AGO2: variants seen among roughly 807,000 people sequenced by gnomAD.
AGO2 encodes the protein argonaute RISC catalytic component 2.
A neutral mutation model predicts 102.3 loss-of-function variants in AGO2; 5 were observed. The observed-to-expected ratio is 0.05, with a 90% confidence interval of 0.03 to 0.10. AGO2 has a LOEUF of 0.10. Ranked by LOEUF, AGO2 falls within the 10% of genes least tolerant of loss-of-function variation. AGO2 has a pLI of 1.00. For missense variants in AGO2, 541 were observed against 1,183.7 expected, an observed-to-expected ratio of 0.46 and a Z score of 7.97; for synonymous variants, 449 against 473.1, an observed-to-expected ratio of 0.95 and a Z score of 0.66.
At position 140,544,275 on chromosome 8, in the gene AGO2, A is replaced by G. The variant is rs1188688476; in HGVS notation, c.1777T>C (p.Phe593Leu). ...GGGTGAGTGACGTCTGCTCCCAGAA[A>G]GATGACGGGCTGCTGGAACACCGGC... ...RPPVFQQPVI[F>L]LGADVTHPPA... Residue 593 changes from phenylalanine to leucine, a missense_variant, in exon 14 of 19, where the codon TTT becomes CTT. Phe to Leu is a conservative substitution (Grantham distance 22, BLOSUM62 0). Around this residue, in one of 6 missense-constraint regions of AGO2, gnomAD observed 309 missense variants for 735.1 expected, o/e 0.42. Transcript: ENST00000220592. The G allele has an allele frequency of 6.2e-7, 1 of 1,603,660 alleles. No individual in the cohort carries two copies.
intron 1 of AGO2, among the ~76,000 whole-genome samples, chr8:140,619,599 AG>A (rs1350950341): frequency 1.3e-5 from 2 of 152,230 alleles, no homozygotes; most frequent in Admixed American, 6.5e-5. Context: ...ACCTACCCCC[AG>A]GCAACTCTGG....
At chr8:140,619,311 C>G (rs887296031) in intron 1 of AGO2, among the ~76,000 whole-genome samples, 1 of 152,240 alleles carries the variant, frequency 6.6e-6, no homozygotes, top group African/African-American at 2.4e-5. Flanking sequence ...ACACCACCAA[C>G]AACGACCTCA....
At chr8:140,547,721 C>A (rs752207719) in intron 12 of AGO2, 94 bp from the exon 13 acceptor site, 136 of 1,498,436 alleles carry the variant, frequency 9.1e-5, no homozygotes, top group Non-Finnish European at 1.2e-4. Flanking sequence ...TTGCCCCCAT[C>A]TGGCAAGTGC....
intron 3 of AGO2, among the ~76,000 whole-genome samples, chr8:140,569,758 G>A (rs992605467): frequency 5.9e-5 from 9 of 152,168 alleles, no homozygotes; most frequent in Admixed American, 1.3e-4. Context: ...CGGTCCCAGC[G>A]TCTCCCGGGC....
Position 140,530,263 on chromosome 8 carries a change from G to A in AGO2, c.*1781C>T, listed in dbSNP as rs2072568370. On this transcript the variant is annotated 3_prime_UTR_variant, in exon 19 of 19. Coordinates refer to ENST00000220592, the MANE Select transcript of AGO2 (RefSeq NM_012154.5). ...GGTATCGGGAGACCCCCGACCTGCG[G>A]CTTGCTGCCCCTCCTGCTGCCTCCA... 1 of 152,196 alleles carries A rather than the reference G, an allele frequency of 6.6e-6. No homozygotes were observed. Among genetic ancestry groups the A allele is most frequent in the Non-Finnish European group, 1.5e-5 (1 of 68,058 alleles). The allele number at this position is 152,196 out of a possible 1,614,324, so 9.4% of individuals were successfully genotyped here. A position where few individuals can be genotyped will look rare whatever the true frequency, so the allele number is the denominator to read the frequency against.
Position 140,547,685 on chromosome 8 carries a change from G to A in AGO2, c.1589-58C>T, listed in dbSNP as rs570701716. The A allele has an allele frequency of 3.5e-4, 540 of 1,558,150 alleles. 3 individuals are homozygous for A. The African/African-American group carries it at 6.1e-3, about 18-fold the overall frequency. ...CGGCGCCCCTTCCTCAGCTGGCCCC[G>A]AGAGCAGCAGCTGCCACCAGCCCTC... is the stretch of plus-strand genomic sequence containing the variant. On this transcript the variant is annotated intron_variant, in intron 12 of 18. Transcript: ENST00000220592.
rs1250108577 is a variant in AGO2 at position 140,524,402 on chromosome 8, C to T, written c.*7642G>A. ...GACTTGGTCAGGGTATGGGAGAAAC[C>T]ACACGACTGGAACCAAGTGTTTTCC... On this transcript the variant is annotated 3_prime_UTR_variant, in exon 19 of 19. Coordinates refer to ENST00000220592, the MANE Select transcript of AGO2 (RefSeq NM_012154.5). 1 of 152,246 alleles carries T rather than the reference C, an allele frequency of 6.6e-6. No homozygotes were observed. 9.4% of individuals were successfully genotyped at this position (152,246 alleles called of 1,614,324 possible).
intron 1 of AGO2, among the ~76,000 whole-genome samples, chr8:140,629,932 G>C (rs1053704945): frequency 6.6e-6 from 1 of 150,898 alleles, no homozygotes; most frequent in African/African-American, 2.4e-5. Context: ...GGAGCGGAGG[G>C]GAGAGGAGAG....
chr8:140,569,965 A>G (rs1195245910), intron 3 of AGO2, among the ~76,000 whole-genome samples: 4 of 152,254 alleles, frequency 2.6e-5, no homozygotes, highest in Non-Finnish European at 5.9e-5. Context: ...CGCTCTTACC[A>G]CAAGTGAGGC....
intron 1 of AGO2, among the ~76,000 whole-genome samples, chr8:140,596,451 C>T (rs965549598): frequency 2.6e-5 from 4 of 152,098 alleles, no homozygotes; most frequent in Admixed American, 6.5e-5. Flanking sequence ...GGCACGGTGG[C>T]GCATGCCTGT....
intron 1 of AGO2, chr8:140,591,716 G>A (rs2073749594): frequency 6.6e-6 from 1 of 152,182 alleles, no homozygotes; most frequent in Admixed American, 6.5e-5. Context: ...AGCCACCCCT[G>A]TGATCTTTAC....
At chr8:140,599,616 G>A (rs1405823482) in intron 1 of AGO2, among the ~76,000 whole-genome samples, 6 of 152,148 alleles carry the variant, frequency 3.9e-5, no homozygotes, top group East Asian at 1.9e-4. Flanking sequence ...ACGCTCACCC[G>A]GGGTGCTCAA....
intron 2 of AGO2, among the ~76,000 whole-genome samples, chr8:140,575,596 T>A (rs756838034): frequency 6.6e-6 from 1 of 151,994 alleles, no homozygotes; most frequent in Non-Finnish European, 1.5e-5. Context: ...CTGAACAGAG[T>A]AAGATGGCAC....
At position 140,540,480 on chromosome 8, in the gene AGO2, C is replaced by T. The variant is rs931482734; in HGVS notation, c.2034+684G>A. Reference sequence around the variant, plus strand: ...AATCGGCTCTAGCCAACGGGAGAAACATTCAGGGCACCCATCGCCCGGGTT... The same window carrying T: ...AATCGGCTCTAGCCAACGGGAGAAATATTCAGGGCACCCATCGCCCGGGTT... On this transcript the variant is annotated intron_variant, in intron 15 of 18. Coordinates refer to ENST00000220592, the MANE Select transcript of AGO2 (RefSeq NM_012154.5). The surrounding 1 kb of genome is among the most constrained non-coding windows in gnomAD (Gnocchi z 5.0). Among the ~76,000 whole-genome samples the T allele has an allele frequency of 5.9e-5, 9 of 152,226 alleles. No individual in the cohort carries two copies. Among genetic ancestry groups the T allele is most frequent in the African/African-American group, 2.2e-4 (9 of 41,462 alleles).
chr8:140,539,060 A>G lies in AGO2; in HGVS notation c.2169+260T>C, dbSNP rs2072747462. Among the ~76,000 whole-genome samples the G allele has an allele frequency of 6.6e-6, 1 of 152,202 alleles. No homozygotes were observed. The highest frequency in any genetic ancestry group is 2.4e-5 in the African/African-American group (1 of 41,446). Reference sequence around the variant, plus strand: ...AGAGGCTGCAGTAAGCTATGATCGCACCACTGCACTCTAGCCTGGGTGACA... The same window carrying G: ...AGAGGCTGCAGTAAGCTATGATCGCGCCACTGCACTCTAGCCTGGGTGACA... On this transcript the variant is annotated intron_variant, in intron 16 of 18. Transcript: ENST00000220592. This position sits in a 1 kb window ranked among gnomAD's most constrained non-coding sequence, Gnocchi z 4.7.
chr8:140,553,100 G>A (rs1433820886), intron 10 of AGO2, among the ~76,000 whole-genome samples: 1 of 152,170 alleles, frequency 6.6e-6, no homozygotes, highest in African/African-American at 2.4e-5. Flanking sequence ...TGTATTAACA[G>A]AAGCATTACA....
chr8:140,537,428 A>C (rs1243400229), intron 16 of AGO2, among the ~76,000 whole-genome samples: 1 of 151,918 alleles, frequency 6.6e-6, no homozygotes, highest in Non-Finnish European at 1.5e-5. Flanking sequence ...CAGCCTCCTG[A>C]GTAGCTGGGA....
chr8:140,561,033 G>C (rs572487206), intron 4 of AGO2, among the ~76,000 whole-genome samples: 2 of 152,352 alleles, frequency 1.3e-5, no homozygotes, highest in South Asian at 2.1e-4. Flanking sequence ...GGTAGGCTCC[G>C]AGGCCCCGGA....
At chr8:140,544,731 G>A (rs963806707) in intron 13 of AGO2, among the ~76,000 whole-genome samples, 1 of 152,214 alleles carries the variant, frequency 6.6e-6, no homozygotes, top group African/African-American at 2.4e-5. Context: ...ATGGGCAGAC[G>A]CTGAGAGGCC....
Sources: allele counts gnomAD v4.1 joint callset (sites outside exome capture counted in the v4.1 genomes callset), GRCh38; gene constraint gnomAD v4.1.1; regional missense constraint gnomAD v4.1.1; non-coding constraint Gnocchi (gnomAD v3.1); transcripts MANE v1.5; gene names NCBI Gene and HGNC (gene_info 2026-07-23, HGNC 2026-07-21).